GTF3C1: variants seen among roughly 807,000 people sequenced by gnomAD.
GTF3C1 encodes the protein general transcription factor 3C polypeptide 1.
A neutral mutation model predicts 226.7 loss-of-function variants in GTF3C1; 57 were observed. The observed-to-expected ratio is 0.25, with a 90% CI of 0.20 to 0.31. The LOEUF is 0.31. Among genes scored for constraint, GTF3C1 ranks in the 10% least tolerant of loss-of-function variants. GTF3C1 has a pLI of 1.00. For missense variants in GTF3C1, 2,217 were observed against 2,776.1 expected (o/e 0.80, Z 4.53); for synonymous variants, 1,090 against 1,084.8 (o/e 1.00, Z -0.09).
At chr16:27,488,916 T>A (rs2088186991) in intron 21 of GTF3C1, 127 bp downstream of exon 21, 10 of 868,958 alleles carry the variant, frequency 1.2e-5, no homozygotes, top group Non-Finnish European at 1.9e-5. Flanking sequence ...AGGCACACAT[T>A]TAAGGGGCCT....
In GTF3C1 at chr16:27,492,323, A is replaced by G; in HGVS notation, c.3151+15T>C. The G allele has an allele frequency of 6.6e-7, 1 of 1,517,412 alleles. No homozygotes were observed. The allele number at this position is 1,517,412 out of a possible 1,614,324, so 94.0% of individuals were successfully genotyped here. A position where few individuals can be genotyped will look rare whatever the true frequency, so the allele number is the denominator to read the frequency against. On this transcript the variant is annotated intron_variant, in intron 19 of 36. Coordinates refer to ENST00000356183, the MANE Select transcript of GTF3C1 (RefSeq NM_001520.4). The surrounding 1 kb of genome is among the most constrained non-coding windows in gnomAD (Gnocchi z 5.0). ...GCAAAAGCAGCCAGGTTCAGCCGAG[A>G]CAGCCGACACCCACCTAGTGGGGTG...
At chr16:27,474,224 C>T (rs1216135169) in intron 29 of GTF3C1, among the ~76,000 whole-genome samples, 2 of 152,200 alleles carry the variant, frequency 1.3e-5, no homozygotes, top group Non-Finnish European at 1.5e-5. Flanking sequence ...AGGGAGGCTA[C>T]GCAGGCCGGT....
rs781178235 is a variant in GTF3C1, at chr16:27,483,168, G to A, written c.4002-43C>T. On this transcript the variant is annotated intron_variant, in intron 25 of 36. Transcript: ENST00000356183. ...AAAGCTGAAGTCTGGGAATTGCAAT[G>A]ATGCCCATGTTCAGAACCTTCAGAG... 3.8e-6 allele frequency: 6 copies of A among 1,569,784 alleles called. No individual in the cohort carries two copies. The South Asian group carries it at 6.7e-5, about 18-fold the overall frequency.
At position 27,483,859 on chromosome 16, in the gene GTF3C1, C is replaced by T. The variant is rs529970687; in HGVS notation, c.4001+352G>A. 3.9e-5 allele frequency among the ~76,000 whole-genome samples: 6 copies of T among 152,264 alleles called. No homozygotes were observed. In the South Asian group the frequency reaches 1.2e-3, roughly 32 times the overall value. On this transcript the variant is annotated intron_variant, in intron 25 of 36. Transcript: ENST00000356183. The stretch of plus-strand genomic sequence containing the variant: ...GAGCTCTCAGGAACTGCTCTGAGGG[C>T]CAAAAACAGCAGGAAAAGCCAGCCT...
At chr16:27,523,835 T>C (rs1011403901) in intron 6 of GTF3C1, among the ~76,000 whole-genome samples, 2 of 151,974 alleles carry the variant, frequency 1.3e-5, no homozygotes, top group Middle Eastern at 6.8e-3. Flanking sequence ...AGCAGAGAGG[T>C]GGGCAACAGT....
chr16:27,480,766 CTG>C (rs1443087275), intron 27 of GTF3C1: 6 of 325,118 alleles, frequency 1.8e-5, no homozygotes, highest in Non-Finnish European at 3.5e-5. Context: ...CTTACAAGCA[CTG>C]TGACCTTGGG....
rs933944827 is a variant in GTF3C1, at chr16:27,464,381, G to A, written c.5811C>T (p.Ser1937=). The change falls in exon 34 of 37, where the codon TCC becomes TCT. Residue 1937 remains serine, a synonymous_variant. Transcript: ENST00000356183. The part of the protein sequence containing the change: ...EDQEGVGEFS[S]PGQEQLSGQA... Reference sequence around the variant, plus strand: ...GGCCGCTCAGCTGCTCTTGGCCTGGGGAACTGAACTCACCGACACCCTCTT... The same window carrying A: ...GGCCGCTCAGCTGCTCTTGGCCTGGAGAACTGAACTCACCGACACCCTCTT... 1.9e-6 allele frequency: 3 copies of A among 1,584,630 alleles called. No homozygotes were observed. Among genetic ancestry groups the A allele is most frequent in the African/African-American group, 2.7e-5 (2 of 73,410 alleles).
At chr16:27,480,110 A>C (rs1273962256) in intron 27 of GTF3C1, among the ~76,000 whole-genome samples, 2 of 150,650 alleles carry the variant, frequency 1.3e-5, no homozygotes, top group Non-Finnish European at 2.9e-5. Context: ...CTGAGGCAGG[A>C]GAATGACGTG....
chr16:27,493,642 G>A, intron 16 of GTF3C1, among the ~76,000 whole-genome samples: 1 of 152,200 alleles, frequency 6.6e-6, no homozygotes, highest in East Asian at 1.9e-4. Flanking sequence ...TTTGAAGCCA[G>A]TGATTCTGCT....
At chr16:27,516,039 C>T (rs755046548) in intron 6 of GTF3C1, among the ~76,000 whole-genome samples, 1 of 152,198 alleles carries the variant, frequency 6.6e-6, no homozygotes, top group African/African-American at 2.4e-5. Context: ...GCAGTGGATG[C>T]ACTTGGCCAG....
chr16:27,547,314 G>C (rs1451219624), intron 1 of GTF3C1, among the ~76,000 whole-genome samples: 1 of 152,074 alleles, frequency 6.6e-6, no homozygotes, highest in African/African-American at 2.4e-5. Context: ...CCCTCCCTCT[G>C]GCCTGCTTTC....
rs232077 is a variant in GTF3C1, at chr16:27,507,574, C to T, written c.1243-418G>A. Among the ~76,000 whole-genome samples the T allele has an allele frequency of 6.6e-6, 1 of 152,088 alleles. No individual in the cohort carries two copies. Among genetic ancestry groups the T allele is most frequent in the Admixed American group, 6.5e-5 (1 of 15,286 alleles). On this transcript the variant is annotated intron_variant, in intron 8 of 36. Transcript: ENST00000356183. The surrounding 1 kb of genome is among the most constrained non-coding windows in gnomAD (Gnocchi z 4.9). ...CTTAGCCACTGCCATGAGGATTTGT[C>T]GACTGGGCATCAGTGATCCACACCC...
intron 24 of GTF3C1, among the ~76,000 whole-genome samples, chr16:27,485,732 T>C (rs569930514): frequency 1.3e-5 from 2 of 152,350 alleles, no homozygotes; most frequent in South Asian, 4.1e-4. Context: ...GTCCCAGGAC[T>C]ATGAGAGGCT....
intron 28 of GTF3C1, among the ~76,000 whole-genome samples, chr16:27,477,998 C>T (rs1202632339): frequency 6.6e-6 from 1 of 152,030 alleles, no homozygotes. Context: ...GGCAAAACCC[C>T]GTCTCTACTA....
At chr16:27,490,802 T>G (rs969680523) in intron 19 of GTF3C1, among the ~76,000 whole-genome samples, 1 of 152,206 alleles carries the variant, frequency 6.6e-6, no homozygotes, top group Non-Finnish European at 1.5e-5. Context: ...TGATTGCATC[T>G]CATTATATGA....
At chr16:27,499,338 G>A (rs1041785243) in intron 12 of GTF3C1, among the ~76,000 whole-genome samples, 14 of 152,368 alleles carry the variant, frequency 9.2e-5, no homozygotes, top group Admixed American at 6.5e-4. Context: ...CTGTGTGGAA[G>A]GGAAGTAACT....
chr16:27,544,651 G>A (rs1460021999), intron 2 of GTF3C1, among the ~76,000 whole-genome samples: 1 of 152,200 alleles, frequency 6.6e-6, no homozygotes, highest in Non-Finnish European at 1.5e-5. Flanking sequence ...CAGGAATGGA[G>A]TTAGGTGCTT....
intron 5 of GTF3C1, among the ~76,000 whole-genome samples, chr16:27,530,313 C>T (rs901144003): frequency 2.0e-5 from 3 of 152,116 alleles, no homozygotes; most frequent in Non-Finnish European, 4.4e-5. Flanking sequence ...TCTAGCCGTG[C>T]CCCCAGCATC....
chr16:27,479,153 A>G (rs1040750259), intron 27 of GTF3C1, among the ~76,000 whole-genome samples: 1 of 152,236 alleles, frequency 6.6e-6, no homozygotes, highest in Non-Finnish European at 1.5e-5. Context: ...GGCGACAGAT[A>G]TGTTGGTTAA....
Sources: gnomAD v4.1 joint callset for allele counts (sites outside exome capture counted in the v4.1 genomes callset) on GRCh38, gnomAD v4.1.1 for gene constraint, Gnocchi (gnomAD v3.1) non-coding constraint, MANE v1.5 for transcripts, NCBI Gene and HGNC (gene_info 2026-07-23, HGNC 2026-07-21) for gene names.